MRPS28: variants seen among roughly 807,000 people sequenced by gnomAD.
The protein encoded by MRPS28 is small ribosomal subunit protein bS1m.
MRPS28 carries 7 observed loss-of-function variants against 10.8 expected under a neutral mutation model. That is an observed-to-expected ratio of 0.65 (90% CI 0.37 to 1.22). MRPS28 has a LOEUF of 1.22. Among genes scored for constraint, MRPS28 ranks in the 50% most tolerant of loss-of-function variants. The pLI, the probability that MRPS28 is intolerant of heterozygous loss-of-function variation, is 0.02. For synonymous variants in MRPS28, 121 were observed against 93.3 expected (o/e 1.30, Z -1.71); for missense variants, 265 against 232.9 (o/e 1.14, Z -0.90).
intron 2 of MRPS28, among the ~76,000 whole-genome samples, chr8:80,000,899 C>A (rs757715848): frequency 1.3e-5 from 2 of 152,074 alleles, no homozygotes; most frequent in Non-Finnish European, 2.9e-5. Flanking sequence ...ATAACATAAT[C>A]ACAAAAGTGA....
chr8:79,920,708 A>G lies in MRPS28; in HGVS notation c.396-1560T>C, dbSNP rs559094571. On this transcript the variant is annotated intron_variant, in intron 2 of 2. Coordinates refer to ENST00000276585, the MANE Select transcript of MRPS28 (RefSeq NM_014018.3). Reference sequence around the variant, plus strand: ...TATTAGCCCTTTGTCAGAGGAGTAGATTGCAAAAATTTTCTCCCATTCTGT... The same window carrying G: ...TATTAGCCCTTTGTCAGAGGAGTAGGTTGCAAAAATTTTCTCCCATTCTGT... Among the ~76,000 whole-genome samples the G allele has an allele frequency of 2.5e-3, 377 of 152,280 alleles. 1 individual carries two copies. The highest frequency in any genetic ancestry group is 4.3e-3 in the Non-Finnish European group (292 of 68,022).
intron 1 of MRPS28, among the ~76,000 whole-genome samples, chr8:80,026,062 A>G (rs1488221068): frequency 6.6e-6 from 1 of 152,236 alleles, no homozygotes; most frequent in East Asian, 1.9e-4. Flanking sequence ...AGGGCTATGT[A>G]AATTTTCTTT....
intron 2 of MRPS28, among the ~76,000 whole-genome samples, chr8:79,998,171 T>C (rs1808559936): frequency 6.6e-6 from 1 of 152,160 alleles, no homozygotes; most frequent in African/African-American, 2.4e-5. Flanking sequence ...ACTACTAATT[T>C]CTAATGTTCC....
intron 1 of MRPS28, among the ~76,000 whole-genome samples, chr8:80,011,359 T>C (rs1263759180): frequency 6.6e-6 from 1 of 151,990 alleles, no homozygotes; most frequent in Non-Finnish European, 1.5e-5. Flanking sequence ...TTATGGTTGA[T>C]ATCTACCAGA....
intron 2 of MRPS28, among the ~76,000 whole-genome samples, chr8:79,982,490 C>G (rs1453716193): frequency 6.6e-6 from 1 of 152,056 alleles, no homozygotes; most frequent in African/African-American, 2.4e-5. Flanking sequence ...CACAAGGGGT[C>G]AGGGAGTTCC....
intron 2 of MRPS28, among the ~76,000 whole-genome samples, chr8:79,923,708 A>C (rs1410667683): frequency 6.6e-6 from 1 of 152,120 alleles, no homozygotes; most frequent in Non-Finnish European, 1.5e-5. Flanking sequence ...TGTTTCTTTT[A>C]ACTTCAAGTG....
At chr8:80,028,452 A>G (rs1467284508) in intron 1 of MRPS28, among the ~76,000 whole-genome samples, 1 of 151,880 alleles carries the variant, frequency 6.6e-6, no homozygotes, top group Non-Finnish European at 1.5e-5. Context: ...TTCTCCATAT[A>G]TGGTAGAAAG....
At chr8:80,014,410 A>G (rs188263240) in intron 1 of MRPS28, among the ~76,000 whole-genome samples, 1 of 152,372 alleles carries the variant, frequency 6.6e-6, no homozygotes, top group Admixed American at 6.5e-5. Context: ...CTATAGAAGC[A>G]GCAAAGAAAA....
chr8:79,998,003 T>G (rs1808551416), intron 2 of MRPS28, among the ~76,000 whole-genome samples: 1 of 149,408 alleles, frequency 6.7e-6, no homozygotes, highest in South Asian at 2.1e-4. Flanking sequence ...TGCAATGAGC[T>G]GAGATCATGC....
At chr8:79,950,905 T>C (rs1807061932) in intron 2 of MRPS28, among the ~76,000 whole-genome samples, 1 of 152,222 alleles carries the variant, frequency 6.6e-6, no homozygotes, top group Non-Finnish European at 1.5e-5. Flanking sequence ...TCTCTGGTCA[T>C]GGTATCTATA....
At chr8:79,951,906 A>G (rs1411364823) in intron 2 of MRPS28, among the ~76,000 whole-genome samples, 5 of 152,232 alleles carry the variant, frequency 3.3e-5, no homozygotes, top group Non-Finnish European at 7.3e-5. Context: ...TTTTTATCAC[A>G]ACACAATCAC....
At chr8:79,919,977 TC>T (rs1169994607) in intron 2 of MRPS28, among the ~76,000 whole-genome samples, 12 of 125,206 alleles carry the variant, frequency 9.6e-5, no homozygotes, top group South Asian at 2.7e-4. Context: ...TGTGTGATGT[TC>T]CCCTTCCTGT....
chr8:79,996,200 CA>C (rs1419918169), intron 2 of MRPS28, among the ~76,000 whole-genome samples: 1 of 152,034 alleles, frequency 6.6e-6, no homozygotes, highest in African/African-American at 2.4e-5. Context: ...ATTATTTACA[CA>C]ATAAACTTTT....
At chr8:79,943,237 G>A (rs1391264305) in intron 2 of MRPS28, among the ~76,000 whole-genome samples, 1 of 152,150 alleles carries the variant, frequency 6.6e-6, no homozygotes, top group East Asian at 1.9e-4. Flanking sequence ...TTTAGTACTG[G>A]CAATGACTAT....
chr8:79,994,573 TCTC>T (rs2130131981), intron 2 of MRPS28, among the ~76,000 whole-genome samples: 1 of 152,102 alleles, frequency 6.6e-6, no homozygotes, highest in African/African-American at 2.4e-5. Flanking sequence ...GCTAAATGTG[TCTC>T]CTTTCTCCAC....
At chr8:79,985,563 C>A (rs202124100) in intron 2 of MRPS28, among the ~76,000 whole-genome samples, 3 of 151,936 alleles carry the variant, frequency 2.0e-5, no homozygotes, top group Non-Finnish European at 4.4e-5. Flanking sequence ...AGAAGAATCA[C>A]ATAGACGCAA....
chr8:79,983,518 A>C (rs1348016712), intron 2 of MRPS28, among the ~76,000 whole-genome samples: 1 of 152,144 alleles, frequency 6.6e-6, no homozygotes, highest in East Asian at 1.9e-4. Flanking sequence ...AGAAGTTGAA[A>C]ACTTTGAAAA....
chr8:79,984,988 C>T (rs1808110330), intron 2 of MRPS28, among the ~76,000 whole-genome samples: 1 of 152,148 alleles, frequency 6.6e-6, no homozygotes, highest in African/African-American at 2.4e-5. Context: ...TTCAGCACCA[C>T]ACCACACCTA....
intron 2 of MRPS28, among the ~76,000 whole-genome samples, chr8:79,959,995 TC>T (rs1473820232): frequency 1.3e-5 from 2 of 152,102 alleles, no homozygotes; most frequent in Admixed American, 6.6e-5. Context: ...AAACCTCAAA[TC>T]CTGACAACAT....
Sources: gnomAD v4.1 joint callset for allele counts (sites outside exome capture counted in the v4.1 genomes callset) on GRCh38, gnomAD v4.1.1 for gene constraint, MANE v1.5 for transcripts, NCBI Gene and HGNC (gene_info 2026-07-23, HGNC 2026-07-21) for gene names.